ACVRL1: variants seen among roughly 807,000 people sequenced by gnomAD.
ACVRL1 encodes the protein activin A receptor like type 1.
ACVRL1 carries 20 observed loss-of-function variants against 51.9 expected under a neutral mutation model. The observed-to-expected ratio is 0.39, with a 90% CI of 0.27 to 0.56. The LOEUF (loss-of-function observed/expected upper bound fraction) is 0.56. Among genes scored for constraint, ACVRL1 ranks in the 20% least tolerant of loss-of-function variants. The pLI is 0.67. For missense variants in ACVRL1, 451 were observed against 670.3 expected, an observed-to-expected ratio of 0.67 and a Z score of 3.61; for synonymous variants, 288 against 280.9, an observed-to-expected ratio of 1.03 and a Z score of -0.25.
At chr12:51,914,999 C>T (rs1940795780) in intron 6 of ACVRL1, among the ~76,000 whole-genome samples, 1 of 152,162 alleles carries the variant, frequency 6.6e-6, no homozygotes, top group Admixed American at 6.6e-5. Context: ...TTGCCTTGGC[C>T]TCCCAAAGTG....
Position 51,921,277 on chromosome 12 carries a change from T to G in ACVRL1, c.*384T>G. On this transcript the variant is annotated 3_prime_UTR_variant, in exon 10 of 10. Transcript: ENST00000388922. ...GCCCCCTGCCCTTGATCAACCCCAC[T>G]GCCCCACCAGAGCTGCCAGGGTGGC... The G allele has an allele frequency of 3.0e-6, 1 of 337,358 alleles. No homozygotes were observed. 20.9% of individuals were successfully genotyped at this position (337,358 alleles called of 1,614,324 possible). A position where few individuals can be genotyped will look rare whatever the true frequency, so the allele number is the denominator to read the frequency against.
intron 1 of ACVRL1, among the ~76,000 whole-genome samples, chr12:51,909,570 T>TA (rs1336430074): frequency 6.6e-6 from 1 of 151,488 alleles, no homozygotes; most frequent in Non-Finnish European, 1.5e-5. Context: ...ATAACAACAG[T>TA]AGTGGGCAAT....
chr12:51,920,821 C>T lies in ACVRL1; in HGVS notation c.1440C>T (p.Leu480=), dbSNP rs938610584. 2 of 1,613,914 alleles carry T rather than the reference C, an allele frequency of 1.2e-6. No individual in the cohort carries two copies. The highest frequency in any genetic ancestry group is 4.5e-5 in the East Asian group (2 of 44,874). Residue 480 remains leucine, a synonymous_variant, in exon 10 of 10, where the codon CTC becomes CTT. Coordinates refer to ENST00000388922, the MANE Select transcript of ACVRL1 (RefSeq NM_000020.3). The part of the protein sequence containing the change: ...ECWYPNPSAR[L]TALRIKKTLQ... ...GGTACCCAAACCCCTCTGCCCGACT[C>T]ACCGCGCTGCGGATCAAGAAGACAC...
intron 9 of ACVRL1, among the ~76,000 whole-genome samples, chr12:51,920,278 C>T (rs1164805302): frequency 6.6e-6 from 1 of 152,224 alleles, no homozygotes; most frequent in Non-Finnish European, 1.5e-5. Flanking sequence ...CTGGAAGACA[C>T]TGCCCTCTGC....
intron 2 of ACVRL1, 119 bp downstream of exon 2, chr12:51,912,654 C>T: frequency 6.8e-6 from 6 of 883,452 alleles, no homozygotes; most frequent in Non-Finnish European, 9.3e-6. Flanking sequence ...AGGAGCTTGA[C>T]TGGAGAGTGG....
intron 1 of ACVRL1, among the ~76,000 whole-genome samples, chr12:51,908,386 A>C (rs1035661329): frequency 6.6e-6 from 1 of 152,124 alleles, no homozygotes; most frequent in Non-Finnish European, 1.5e-5. Flanking sequence ...CACTCTCTCT[A>C]TGTATGGCCA....
chr12:51,916,853 A>AGCTGGCAC (rs1940851017), intron 8 of ACVRL1, among the ~76,000 whole-genome samples: 1 of 152,218 alleles, frequency 6.6e-6, no homozygotes. Context: ...ACACACCTGT[A>AGCTGGCAC]ATCCCAGCTA....
chr12:51,921,245 G>A lies in ACVRL1; in HGVS notation c.*352G>A. ...AGTCCCAGACTCAGAGCCCGGGCCT[G>A]CACTTTGCCCCCTGCCCTTGATCAA... On this transcript the variant is annotated 3_prime_UTR_variant, in exon 10 of 10. Coordinates refer to ENST00000388922, the MANE Select transcript of ACVRL1 (RefSeq NM_000020.3). The A allele has an allele frequency of 2.8e-6, 1 of 362,304 alleles. No homozygotes were observed. The highest frequency in any genetic ancestry group is 5.4e-6 in the Non-Finnish European group (1 of 185,918). 22.4% of individuals were successfully genotyped at this position (362,304 alleles called of 1,614,324 possible).
chr12:51,920,365 C>A (rs1940944137), intron 9 of ACVRL1, among the ~76,000 whole-genome samples: 1 of 152,154 alleles, frequency 6.6e-6, no homozygotes, highest in Non-Finnish European at 1.5e-5. Context: ...TGGATCTTGG[C>A]AAAGGTGGGG....
chr12:51,913,659 G>A lies in ACVRL1; in HGVS notation c.414G>A (p.Leu138=). 1 of 1,608,820 alleles carries A rather than the reference G, an allele frequency of 6.2e-7. No homozygotes were observed. The highest frequency in any genetic ancestry group is 8.5e-7 in the Non-Finnish European group (1 of 1,179,974). ...TGGCCCTGGTGGCCCTGGGTGTCCT[G>A]GGCCTGTGGCATGTCCGACGGAGGC... ...ALLALVALGV[L]GLWHVRRRQE... Residue 138 remains leucine, a synonymous_variant, in exon 4 of 10, where the codon CTG becomes CTA. Coordinates refer to ENST00000388922, the MANE Select transcript of ACVRL1 (RefSeq NM_000020.3).
chr12:51,920,604 T>G lies in ACVRL1; in HGVS notation c.1378-155T>G, dbSNP rs2277383. On this transcript the variant is annotated intron_variant, in intron 9 of 9. Coordinates refer to ENST00000388922, the MANE Select transcript of ACVRL1 (RefSeq NM_000020.3). ...CTCATCTCCCTCCTCTCATCCTTTCTCTCCTGCTTATGTCTCCCCATTACC... is the reference window on the plus strand; with the variant it reads ...CTCATCTCCCTCCTCTCATCCTTTCGCTCCTGCTTATGTCTCCCCATTACC... Among the ~76,000 whole-genome samples, 13,866 of 151,844 alleles carry G rather than the reference T, an allele frequency of 0.091. 989 individuals carry two copies. Among genetic ancestry groups the G allele is most frequent in the East Asian group, 0.36 (1,836 of 5,134 alleles).
chr12:51,921,167 G>A lies in ACVRL1; in HGVS notation c.*274G>A, dbSNP rs571462782. The A allele has an allele frequency of 1.3e-4, 61 of 471,234 alleles. 1 individual carries two copies. Among genetic ancestry groups the A allele is most frequent in the South Asian group, 9.6e-4 (47 of 49,152 alleles). 29.2% of individuals were successfully genotyped at this position (471,234 alleles called of 1,614,324 possible). On this transcript the variant is annotated 3_prime_UTR_variant, in exon 10 of 10. Coordinates refer to ENST00000388922, the MANE Select transcript of ACVRL1 (RefSeq NM_000020.3). ...GCATGGTGCACCCCCTACCACTCCCGGGACAGGATGCAAAAGAGGCTCCAG... is the reference window on the plus strand; with the variant it reads ...GCATGGTGCACCCCCTACCACTCCCAGGACAGGATGCAAAAGAGGCTCCAG...
At chr12:51,912,951 G>C in intron 2 of ACVRL1, 148 bp from the exon 3 acceptor site, 1 of 1,221,970 alleles carries the variant, frequency 8.2e-7, no homozygotes, top group Non-Finnish European at 1.1e-6. Context: ...TCTGAGGGAA[G>C]GATGACTGAG....
Position 51,913,660 on chromosome 12 carries a change from G to A in ACVRL1, c.415G>A (p.Gly139Ser). 3 of 1,608,984 alleles carry A rather than the reference G, an allele frequency of 1.9e-6. No homozygotes were observed. Among genetic ancestry groups the A allele is most frequent in the Non-Finnish European group, 2.5e-6 (3 of 1,179,988 alleles). Reference protein sequence around the residue: ...LLALVALGVLGLWHVRRRQEK... With the variant: ...LLALVALGVLSLWHVRRRQEK... ...GGCCCTGGTGGCCCTGGGTGTCCTG[G>A]GCCTGTGGCATGTCCGACGGAGGCA... is the stretch of plus-strand genomic sequence containing the variant. Residue 139 changes from glycine to serine, a missense_variant, in exon 4 of 10, where the codon GGC becomes AGC. Physicochemically the swap from Gly to Ser is moderately conservative, Grantham distance 56 (BLOSUM62 0). Around this residue, in one of 2 missense-constraint regions of ACVRL1, gnomAD observed 192 missense variants for 216.9 expected, o/e 0.89. Coordinates refer to ENST00000388922, the MANE Select transcript of ACVRL1 (RefSeq NM_000020.3).
In ACVRL1 at chr12:51,914,716, TTTTAATTTAATTTAATTTAATTTAA is replaced by T. The variant is rs55800652; in HGVS notation, c.772+155_772+179del. On this transcript the variant is annotated intron_variant, in intron 6 of 9. Transcript: ENST00000388922. ...GCCCACCTGCAGCATCAACCTCTTT[TTTTAATTTAATTTAATTTAATTTAA>T]TTTAATTTAATTTAATTTAATTTTT... is the stretch of plus-strand genomic sequence containing the variant. The T allele has an allele frequency of 5.4e-5, 17 of 316,108 alleles. 1 individual carries two copies. The highest frequency in any genetic ancestry group is 9.9e-5 in the Admixed American group (2 of 20,250). The allele number at this position is 316,108 out of a possible 1,614,324, so 19.6% of individuals were successfully genotyped here. A position where few individuals can be genotyped will look rare whatever the true frequency, so the allele number is the denominator to read the frequency against.
rs1192710142 is a variant in ACVRL1, at chr12:51,920,704, T to TCTCTGCATCTCTCTCTCTGCCTCCTCTC, written c.1378-47_1378-20dup. ...CATCTCTCTCCCGACCCCCTCCTCTTCTCTGCATCTCTCTCTCTGCCTCCT... is the reference window on the plus strand; with the variant it reads ...CATCTCTCTCCCGACCCCCTCCTCTTCTCTGCATCTCTCTCTCTGCCTCCTCTCCTCTGCATCTCTCTCTCTGCCTCCT... On this transcript the variant is annotated intron_variant, in intron 9 of 9. Transcript: ENST00000388922. 2.6e-5 allele frequency: 42 copies of TCTCTGCATCTCTCTCTCTGCCTCCTCTC among 1,600,376 alleles called. No homozygotes were observed. The African/African-American group carries it at 5.2e-4, about 20-fold the overall frequency.
Position 51,910,758 on chromosome 12 carries a change from C to T in ACVRL1, c.-5-1712C>T, listed in dbSNP as rs891609810. On this transcript the variant is annotated intron_variant, in intron 1 of 9. Coordinates refer to ENST00000388922, the MANE Select transcript of ACVRL1 (RefSeq NM_000020.3). ...CCATCCCACCGTCAGTCCTGCCGCA[C>T]AGTGCTAGCCAGAGTCCTCACTGGC... is the stretch of plus-strand genomic sequence containing the variant. Among the ~76,000 whole-genome samples, 3 of 152,222 alleles carry T rather than the reference C, an allele frequency of 2.0e-5. No individual in the cohort carries two copies. The East Asian group carries it at 5.8e-4, about 29-fold the overall frequency.
rs1050499336 is a variant in ACVRL1 at position 51,915,629 on chromosome 12, T to C, written c.1048+129T>C. 2.3e-6 allele frequency: 3 copies of C among 1,283,722 alleles called. No individual in the cohort carries two copies. The African/African-American group carries it at 4.5e-5, about 19-fold the overall frequency. 79.5% of individuals were successfully genotyped at this position (1,283,722 alleles called of 1,614,324 possible). The stretch of plus-strand genomic sequence containing the variant: ...TTAGAGGTGCATGTTGTTTCAGTTC[T>C]CCTCCGCAAGACCCCACGAGTTGTC... On this transcript the variant is annotated intron_variant, in intron 7 of 9. Transcript: ENST00000388922.
At chr12:51,914,369 C>A in intron 5 of ACVRL1, 70 bp from the exon 6 acceptor site, 2 of 1,607,054 alleles carry the variant, frequency 1.2e-6, no homozygotes, top group South Asian at 2.2e-5. Context: ...AGCGCAGCAT[C>A]AAGATGGGGG....
Sources: gnomAD v4.1 joint callset for allele counts (sites outside exome capture counted in the v4.1 genomes callset) on GRCh38, gnomAD v4.1.1 for gene constraint, gnomAD v4.1.1 regional missense constraint, MANE v1.5 for transcripts, NCBI Gene and HGNC (gene_info 2026-07-23, HGNC 2026-07-21) for gene names.